Variants in MOB1B observed in about 807,000 individuals in gnomAD.
The protein encoded by MOB1B is MOB kinase activator 1B.
MOB1B carries 19 observed loss-of-function variants against 24.4 expected under a neutral mutation model. That is an observed-to-expected ratio of 0.78 (90% CI 0.54 to 1.14). The LOEUF (loss-of-function observed/expected upper bound fraction) is 1.14, where lower values mean the gene tolerates loss of function less well. MOB1B is among the 50% of genes most tolerant of loss of function. The pLI is 0.00. For synonymous variants in MOB1B, 76 were observed against 82.1 expected, an observed-to-expected ratio of 0.93 and a Z score of 0.40; for missense variants, 243 against 259.6, an observed-to-expected ratio of 0.94 and a Z score of 0.44.
chr4:70,980,871 CAA>C (rs1317732334), intron 5 of MOB1B, among the ~76,000 whole-genome samples: 1 of 152,150 alleles, frequency 6.6e-6, no homozygotes, highest in African/African-American at 2.4e-5. Flanking sequence ...GGACATTACC[CAA>C]AGTGTCCACA....
At chr4:70,936,283 A>G (rs1197378340) in intron 1 of MOB1B, among the ~76,000 whole-genome samples, 3 of 152,192 alleles carry the variant, frequency 2.0e-5, no homozygotes, top group Admixed American at 6.5e-5. Context: ...AATTACAGGC[A>G]TGAGCCACCA....
intron 1 of MOB1B, among the ~76,000 whole-genome samples, chr4:70,941,172 T>C (rs904641132): frequency 1.3e-5 from 2 of 151,856 alleles, no homozygotes; most frequent in Admixed American, 6.6e-5. Context: ...TTTTTTTTTT[T>C]TTTCTTTTCT....
intron 2 of MOB1B, 89 bp from the exon 3 acceptor site, chr4:70,969,842 C>T: frequency 1.5e-6 from 1 of 648,992 alleles, no homozygotes; most frequent in Non-Finnish European, 2.6e-6. Flanking sequence ...GGAACGAACG[C>T]CAATAAGCCT....
At chr4:70,973,712 A>G (rs985368043) in intron 3 of MOB1B, among the ~76,000 whole-genome samples, 2 of 152,176 alleles carry the variant, frequency 1.3e-5, no homozygotes, top group Non-Finnish European at 2.9e-5. Flanking sequence ...CAGGATATCA[A>G]GAGGTGTTGG....
chr4:70,959,111 G>A (rs1738192647), intron 2 of MOB1B, 71 bp downstream of exon 2: 1 of 1,297,868 alleles, frequency 7.7e-7, no homozygotes, highest in Admixed American at 2.1e-5. Flanking sequence ...GAGTGTTGGT[G>A]CTGTCCATTC....
intron 4 of MOB1B, chr4:70,976,753 CATAT>C (rs376072053): frequency 4.8e-4 from 88 of 184,096 alleles, no homozygotes; most frequent in Non-Finnish European, 6.8e-4. Context: ...GACTGAATTA[CATAT>C]ATATATATAT....
intron 1 of MOB1B, among the ~76,000 whole-genome samples, chr4:70,928,841 G>A (rs1222994480): frequency 6.6e-6 from 1 of 151,986 alleles, no homozygotes; most frequent in Non-Finnish European, 1.5e-5. Flanking sequence ...TCCCACCTTG[G>A]CCTCCCAAAA....
chr4:70,963,488 G>A (rs1738386768), intron 2 of MOB1B, among the ~76,000 whole-genome samples: 1 of 152,174 alleles, frequency 6.6e-6, no homozygotes, highest in African/African-American at 2.4e-5. Context: ...ATTATCAATA[G>A]TAATTGTATT....
At chr4:70,937,414 T>C (rs1410284356) in intron 1 of MOB1B, among the ~76,000 whole-genome samples, 2 of 152,088 alleles carry the variant, frequency 1.3e-5, no homozygotes, top group Non-Finnish European at 2.9e-5. Flanking sequence ...TAGGAAAATA[T>C]CCTGATTTAT....
intron 1 of MOB1B, among the ~76,000 whole-genome samples, chr4:70,915,733 GTCT>G (rs1159733510): frequency 6.6e-6 from 1 of 151,580 alleles, no homozygotes; most frequent in Non-Finnish European, 1.5e-5. Flanking sequence ...GGGACCGTTG[GTCT>G]TTTTTTTTTT....
intron 2 of MOB1B, among the ~76,000 whole-genome samples, chr4:70,967,932 C>T (rs1161361493): frequency 1.3e-5 from 2 of 151,936 alleles, no homozygotes; most frequent in African/African-American, 2.4e-5. Flanking sequence ...CTGGCTCAAG[C>T]GATCCTCCCA....
Position 70,952,935 on chromosome 4 carries a change from C to CTTTTTTT in MOB1B, c.15-5920_15-5914dup, listed in dbSNP as rs71211985. ...AGACTCTGTCATTTTGTCATTTGGT[C>CTTTTTTT]TTTTTTTTTTTTTTTTTTTTTTTTT... On this transcript the variant is annotated intron_variant, in intron 1 of 5. Transcript: ENST00000309395. 2.3e-3 allele frequency among the ~76,000 whole-genome samples: 163 copies of CTTTTTTT among 72,304 alleles called. 1 individual carries two copies. Among genetic ancestry groups the CTTTTTTT allele is most frequent in the Non-Finnish European group, 2.9e-3 (111 of 38,522 alleles). The allele number at this position is 72,304 out of a possible 152,430, so 47.4% of individuals were successfully genotyped here.
chr4:70,946,728 C>T (rs922540955), intron 1 of MOB1B, among the ~76,000 whole-genome samples: 2 of 151,876 alleles, frequency 1.3e-5, no homozygotes, highest in Admixed American at 6.6e-5. Context: ...GAAAAAGAAA[C>T]ACAAGTCACA....
rs1738095671 is a variant in MOB1B at position 70,957,153 on chromosome 4, A to T, written c.15-1721A>T. On this transcript the variant is annotated intron_variant, in intron 1 of 5. Transcript: ENST00000309395. ...TCCGTATTCATATGTTCAAATGCCT[A>T]GATGTTTTTGATGATGTGAATTTAA... Among the ~76,000 whole-genome samples, 3 of 140,908 alleles carry T rather than the reference A, an allele frequency of 2.1e-5. No homozygotes were observed. In the Admixed American group the frequency reaches 2.2e-4, roughly 10 times the overall value. The allele number at this position is 140,908 out of a possible 152,430, so 92.4% of individuals were successfully genotyped here.
intron 1 of MOB1B, among the ~76,000 whole-genome samples, chr4:70,925,922 G>T (rs1736631840): frequency 6.6e-6 from 1 of 152,128 alleles, no homozygotes; most frequent in African/African-American, 2.4e-5. Flanking sequence ...CTCCTGGACT[G>T]AGGGTTTGTT....
chr4:70,932,621 G>T (rs1736928412), intron 1 of MOB1B, among the ~76,000 whole-genome samples: 1 of 152,160 alleles, frequency 6.6e-6, no homozygotes, highest in Non-Finnish European at 1.5e-5. Context: ...TCACTAAATT[G>T]TGGAGTTGCA....
At chr4:70,958,848 C>T (rs764550820) in intron 1 of MOB1B, 26 bp from the exon 2 acceptor site, 1 of 1,584,094 alleles carries the variant, frequency 6.3e-7, no homozygotes, top group East Asian at 2.2e-5. Flanking sequence ...AATATTAAAC[C>T]CTTTTTTTTT....
intron 4 of MOB1B, chr4:70,975,709 A>G: frequency 1.0e-6 from 1 of 977,554 alleles, no homozygotes; most frequent in South Asian, 4.7e-5. Context: ...AAGTAAGGGA[A>G]AGGCTTAAGA....
chr4:70,934,675 C>T (rs979718368), intron 1 of MOB1B, among the ~76,000 whole-genome samples: 1 of 151,986 alleles, frequency 6.6e-6, no homozygotes, highest in South Asian at 2.1e-4. Context: ...AGGCTGGTCT[C>T]GAACTCCTAA....
Sources: gnomAD v4.1 joint callset for allele counts (sites outside exome capture counted in the v4.1 genomes callset) on GRCh38, gnomAD v4.1.1 for gene constraint, MANE v1.5 for transcripts, NCBI Gene and HGNC (gene_info 2026-07-23, HGNC 2026-07-21) for gene names.